The following DLG2 variants were observed in gnomAD, a reference collection of about 807,000 sequenced individuals.
The protein encoded by DLG2 is discs large MAGUK scaffold protein 2.
In DLG2, 45 loss-of-function variants were observed where a neutral mutation model predicts 132.5. The observed-to-expected ratio is 0.34, with a 90% CI of 0.27 to 0.44. DLG2 has a LOEUF of 0.44. Ranked by LOEUF, DLG2 falls within the 20% of genes least tolerant of loss-of-function variation. DLG2 has a pLI of 1.00. For synonymous variants in DLG2, 424 were observed against 419.6 expected (o/e 1.01, Z -0.13); for missense variants, 1,045 against 1,196.9 (o/e 0.87, Z 1.87).
At chr11:85,475,659 T>C (rs1220361063) in intron 3 of DLG2, among the ~76,000 whole-genome samples, 1 of 152,178 alleles carries the variant, frequency 6.6e-6, no homozygotes, top group Non-Finnish European at 1.5e-5. Context: ...TTCAAAGTTC[T>C]GCATCTATAA....
chr11:85,112,316 G>A (rs1442960139), intron 5 of DLG2, among the ~76,000 whole-genome samples: 2 of 151,920 alleles, frequency 1.3e-5, no homozygotes, highest in Non-Finnish European at 2.9e-5. Context: ...CATTTTCCAG[G>A]CACTTCTTTA....
rs565282307 is a variant in DLG2 at position 85,066,280 on chromosome 11, C to T, written c.357+45381G>A. On this transcript the variant is annotated intron_variant, in intron 6 of 27. Coordinates refer to ENST00000376104, the MANE Select transcript of DLG2 (RefSeq NM_001142699.3). Reference sequence around the variant, plus strand: ...TATAAATCCTAAGGAGATCAAGAGCCAGTAGTGAAATTAAATTAGCAATAA... The same window carrying T: ...TATAAATCCTAAGGAGATCAAGAGCTAGTAGTGAAATTAAATTAGCAATAA... 3.3e-5 allele frequency among the ~76,000 whole-genome samples: 5 copies of T among 151,370 alleles called. No individual in the cohort carries two copies. In the East Asian group the frequency reaches 9.7e-4, roughly 29 times the overall value.
At chr11:85,386,176 A>C (rs563035705) in intron 3 of DLG2, among the ~76,000 whole-genome samples, 1 of 152,324 alleles carries the variant, frequency 6.6e-6, no homozygotes, top group African/African-American at 2.4e-5. Flanking sequence ...TCAGGTTCTA[A>C]CACATTCTAG....
intron 7 of DLG2, among the ~76,000 whole-genome samples, chr11:84,377,809 T>C (rs905850286): frequency 6.6e-6 from 1 of 152,184 alleles, no homozygotes; most frequent in Non-Finnish European, 1.5e-5. Context: ...ATGGGAAATC[T>C]TGTGAAGCCA....
intron 19 of DLG2, among the ~76,000 whole-genome samples, chr11:83,581,186 C>T (rs1264512892): frequency 6.6e-6 from 1 of 151,920 alleles, no homozygotes; most frequent in East Asian, 1.9e-4. Context: ...CAACTCTAAT[C>T]CTGCCCTTCT....
intron 6 of DLG2, among the ~76,000 whole-genome samples, chr11:84,595,234 A>G (rs1360154244): frequency 6.6e-6 from 1 of 152,060 alleles, no homozygotes; most frequent in African/African-American, 2.4e-5. Flanking sequence ...CCTCCAGACT[A>G]ACTGGGACTA....
chr11:83,728,438 T>G (rs1191366758), intron 18 of DLG2, among the ~76,000 whole-genome samples: 1 of 152,236 alleles, frequency 6.6e-6, no homozygotes, highest in Non-Finnish European at 1.5e-5. Context: ...TTCATTCTTC[T>G]AAAACACACT....
intron 19 of DLG2, among the ~76,000 whole-genome samples, chr11:83,586,542 C>A (rs187244589): frequency 6.6e-6 from 1 of 152,272 alleles, no homozygotes; most frequent in East Asian, 1.9e-4. Context: ...TTAAAACTAT[C>A]ATTTTCTTCC....
At chr11:84,184,166 G>T (rs1011331409) in intron 8 of DLG2, among the ~76,000 whole-genome samples, 8 of 152,164 alleles carry the variant, frequency 5.3e-5, no homozygotes, top group Non-Finnish European at 1.0e-4. Flanking sequence ...CTTCCACAAG[G>T]GTTGAACTAG....
chr11:84,950,447 T>C (rs977855043), intron 6 of DLG2, among the ~76,000 whole-genome samples: 11 of 152,206 alleles, frequency 7.2e-5, no homozygotes, highest in Admixed American at 1.3e-4. Context: ...GTGACAAAAA[T>C]TCTGAATGAC....
intron 6 of DLG2, among the ~76,000 whole-genome samples, chr11:85,073,057 T>C (rs552785187): frequency 7.2e-5 from 11 of 151,990 alleles, no homozygotes; most frequent in African/African-American, 9.6e-5. Context: ...AACTAAAATA[T>C]GAAGAACAAA....
At chr11:84,612,977 T>C (rs2099597985) in intron 6 of DLG2, among the ~76,000 whole-genome samples, 1 of 152,166 alleles carries the variant, frequency 6.6e-6, no homozygotes, top group African/African-American at 2.4e-5. Flanking sequence ...TATGTCTTTA[T>C]AAAATGGGGT....
At chr11:83,596,279 G>A (rs1322121844) in intron 19 of DLG2, among the ~76,000 whole-genome samples, 2 of 152,034 alleles carry the variant, frequency 1.3e-5, no homozygotes, top group African/African-American at 4.8e-5. Context: ...CATAACACTG[G>A]CTTCTTCTCC....
intron 3 of DLG2, among the ~76,000 whole-genome samples, chr11:85,389,154 A>T (rs1363358571): frequency 1.3e-5 from 2 of 152,276 alleles, no homozygotes; most frequent in African/African-American, 4.8e-5. Flanking sequence ...CATAGAATAA[A>T]TAAAAAACAA....
chr11:84,408,686 T>C (rs1022819139), intron 7 of DLG2, among the ~76,000 whole-genome samples: 1 of 152,202 alleles, frequency 6.6e-6, no homozygotes, highest in Non-Finnish European at 1.5e-5. Context: ...AGCAAGCACA[T>C]CTGTGATTGC....
chr11:84,583,926 T>C (rs2154529513), intron 6 of DLG2, among the ~76,000 whole-genome samples: 1 of 152,300 alleles, frequency 6.6e-6, no homozygotes, highest in East Asian at 1.9e-4. Context: ...ATTATGTGAA[T>C]ATTCCATAAA....
intron 3 of DLG2, among the ~76,000 whole-genome samples, chr11:85,589,165 A>C (rs1222895474): frequency 6.6e-6 from 1 of 152,180 alleles, no homozygotes; most frequent in Admixed American, 6.5e-5. Context: ...TAGCAGTGAC[A>C]CTGTCACGTG....
chr11:83,489,201 G>GAATC (rs2093699761), intron 21 of DLG2, among the ~76,000 whole-genome samples: 1 of 151,894 alleles, frequency 6.6e-6, no homozygotes, highest in Admixed American at 6.6e-5. Context: ...TCCCTCAAAT[G>GAATC]AATCAGAATC....
At chr11:84,093,777 G>A (rs186555971) in intron 10 of DLG2, among the ~76,000 whole-genome samples, 5 of 151,650 alleles carry the variant, frequency 3.3e-5, no homozygotes, top group Admixed American at 1.3e-4. Flanking sequence ...ACAACACCCC[G>A]CTAATTTTTG....
Sources: gnomAD v4.1 joint callset for allele counts (sites outside exome capture counted in the v4.1 genomes callset) on GRCh38, gnomAD v4.1.1 for gene constraint, MANE v1.5 for transcripts, NCBI Gene and HGNC (gene_info 2026-07-23, HGNC 2026-07-21) for gene names.